Variants in CACNA1S observed in about 807,000 individuals in gnomAD.
CACNA1S encodes the protein voltage-dependent L-type calcium channel subunit alpha-1S.
A neutral mutation model predicts 207.4 loss-of-function variants in CACNA1S; 126 were observed. The observed-to-expected ratio is 0.61, with a 90% CI of 0.53 to 0.70. The LOEUF is 0.70. Ranked by LOEUF, CACNA1S falls within the 30% of genes least tolerant of loss-of-function variation. The pLI is 0.00. For missense variants in CACNA1S, 2,349 were observed against 2,422.8 expected (o/e 0.97, Z 0.64); for synonymous variants, 960 against 932.7 (o/e 1.03, Z -0.53).
chr1:201,111,250 G>T (rs1298067407), intron 1 of CACNA1S, among the ~76,000 whole-genome samples: 3 of 152,088 alleles, frequency 2.0e-5, no homozygotes, highest in African/African-American at 7.2e-5. Flanking sequence ...CGTTTCTCTT[G>T]TCCTTCCAGT....
chr1:201,061,182 C>T, intron 25 of CACNA1S, 85 bp downstream of exon 25: 1 of 1,262,422 alleles, frequency 7.9e-7, no homozygotes, highest in African/African-American at 1.5e-5. Flanking sequence ...CCTTAGGCCT[C>T]TCTTCCCTGG....
intron 10 of CACNA1S, 134 bp downstream of exon 10, chr1:201,083,028 T>A (rs749117904): frequency 4.4e-5 from 41 of 931,320 alleles, no homozygotes; most frequent in Non-Finnish European, 6.9e-5. Flanking sequence ...GCACTCATGG[T>A]CCATAATTTT....
chr1:201,065,096 GGAGA>G (rs1440528504), intron 22 of CACNA1S, among the ~76,000 whole-genome samples: 1 of 152,228 alleles, frequency 6.6e-6, no homozygotes, highest in Non-Finnish European at 1.5e-5. Context: ...CGTGGGGTAG[GGAGA>G]GAGCAGATAC....
At chr1:201,096,884 A>G (rs999939169) in intron 2 of CACNA1S, among the ~76,000 whole-genome samples, 2 of 152,044 alleles carry the variant, frequency 1.3e-5, no homozygotes, top group African/African-American at 4.8e-5. Flanking sequence ...GTTTTCACAG[A>G]GCTGTTGTTT....
At chr1:201,083,882 G>A (rs1661931993) in intron 9 of CACNA1S, among the ~76,000 whole-genome samples, 1 of 152,124 alleles carries the variant, frequency 6.6e-6, no homozygotes, top group Non-Finnish European at 1.5e-5. Context: ...GACTTCCGAG[G>A]AGCTGGGAGT....
At position 201,107,889 on chromosome 1, in the gene CACNA1S, G is replaced by A. The variant is rs931090010; in HGVS notation, c.258+2275C>T. ...GAGCATTCATTTCCCATAGAGCTCTGACATGCCAGGTGGCATTTGCTGCTT... is the reference window on the plus strand; with the variant it reads ...GAGCATTCATTTCCCATAGAGCTCTAACATGCCAGGTGGCATTTGCTGCTT... On this transcript the variant is annotated intron_variant, in intron 2 of 43. Coordinates refer to ENST00000362061, the MANE Select transcript of CACNA1S (RefSeq NM_000069.3). Among the ~76,000 whole-genome samples, 3 of 152,178 alleles carry A rather than the reference G, an allele frequency of 2.0e-5. No individual in the cohort carries two copies. In the South Asian group the frequency reaches 6.2e-4, roughly 31 times the overall value.
In CACNA1S at chr1:201,053,734, A is replaced by G; in HGVS notation, c.3667-147T>C. On this transcript the variant is annotated intron_variant, in intron 29 of 43. Transcript: ENST00000362061. The surrounding 1 kb of genome is among the most constrained non-coding windows in gnomAD (Gnocchi z 5.1). ...GCCCCGCCTCTGGCCCCTGCTGTCC[A>G]CTAGTTCGGGACCATCCTTGGGCAC... The G allele has an allele frequency of 2.4e-6, 2 of 831,254 alleles. No individual in the cohort carries two copies. The highest frequency in any genetic ancestry group is 3.8e-6 in the Non-Finnish European group (2 of 520,124). The allele number at this position is 831,254 out of a possible 1,614,324, so 51.5% of individuals were successfully genotyped here.
Position 201,053,656 on chromosome 1 carries a change from A to C in CACNA1S, c.3667-69T>G. On this transcript the variant is annotated intron_variant, in intron 29 of 43. Coordinates refer to ENST00000362061, the MANE Select transcript of CACNA1S (RefSeq NM_000069.3). The surrounding 1 kb of genome is among the most constrained non-coding windows in gnomAD (Gnocchi z 5.1). ...CAGAGGGGTAAGGGGCAGGGCGGGG[A>C]GGGAGGTGCACTGTGTGTTTTGGGG... The C allele has an allele frequency of 8.7e-7, 1 of 1,145,896 alleles. No individual in the cohort carries two copies. The highest frequency in any genetic ancestry group is 1.3e-6 in the Non-Finnish European group (1 of 769,080). The allele number at this position is 1,145,896 out of a possible 1,614,324, so 71.0% of individuals were successfully genotyped here.
rs534884870 is a variant in CACNA1S at position 201,093,026 on chromosome 1, C to T, written c.398+856G>A. ...AAAATGAGGGAAAACAGGATTGTGG[C>T]AAGAATTAAGTGAGAGGGTACATGT... On this transcript the variant is annotated intron_variant, in intron 3 of 43. Coordinates refer to ENST00000362061, the MANE Select transcript of CACNA1S (RefSeq NM_000069.3). 3.3e-5 allele frequency among the ~76,000 whole-genome samples: 5 copies of T among 152,280 alleles called. No homozygotes were observed. The South Asian group carries it at 1.0e-3, about 32-fold the overall frequency.
chr1:201,072,715 C>G (rs543629732), intron 16 of CACNA1S, 40 bp downstream of exon 16: 3 of 1,538,526 alleles, frequency 1.9e-6, no homozygotes, highest in Non-Finnish European at 2.7e-6. Context: ...CCCTACTTCA[C>G]CCCAGCACCC....
In CACNA1S at chr1:201,058,366, T is replaced by C. The variant is rs370092132; in HGVS notation, c.3609+42A>G. ...ATATCTGTGGATTGAACACATGCTC[T>C]TGGGCCCACCCTAGTGATGGCTCTG... On this transcript the variant is annotated intron_variant, in intron 28 of 43. Transcript: ENST00000362061. The C allele has an allele frequency of 5.9e-6, 9 of 1,538,350 alleles. No homozygotes were observed. In the African/African-American group the frequency reaches 8.2e-5, roughly 14 times the overall value.
intron 2 of CACNA1S, among the ~76,000 whole-genome samples, chr1:201,101,294 C>G (rs61818024): frequency 6.6e-6 from 1 of 152,098 alleles, no homozygotes; most frequent in Non-Finnish European, 1.5e-5. Context: ...GGTTCCATCC[C>G]GGAGGGTGTC....
intron 35 of CACNA1S, 67 bp downstream of exon 35, chr1:201,048,936 C>A: frequency 7.9e-7 from 1 of 1,272,424 alleles, no homozygotes. Flanking sequence ...AGGTCCTCAC[C>A]AGTTTCCCTC....
At chr1:201,079,906 A>C (rs1371738229) in intron 10 of CACNA1S, among the ~76,000 whole-genome samples, 4 of 152,184 alleles carry the variant, frequency 2.6e-5, no homozygotes, top group Non-Finnish European at 5.9e-5. Context: ...CCTGGCATTT[A>C]GTGCTTCTTT....
intron 2 of CACNA1S, among the ~76,000 whole-genome samples, chr1:201,102,335 C>A (rs1186601196): frequency 6.6e-6 from 1 of 152,176 alleles, no homozygotes; most frequent in Non-Finnish European, 1.5e-5. Flanking sequence ...TTCCCACATA[C>A]AACCACTGGG....
intron 2 of CACNA1S, among the ~76,000 whole-genome samples, chr1:201,105,037 ATG>A (rs1181565531): frequency 6.6e-6 from 1 of 152,240 alleles, no homozygotes; most frequent in African/African-American, 2.4e-5. Flanking sequence ...TAAATATTGA[ATG>A]TCATTGTTGC....
intron 42 of CACNA1S, 76 bp downstream of exon 42, chr1:201,040,546 C>T: frequency 6.8e-7 from 1 of 1,476,380 alleles, no homozygotes; most frequent in Non-Finnish European, 9.4e-7. Context: ...CCTTCCCCTG[C>T]CATGATCCCA....
At chr1:201,091,375 A>G (rs1217515193) in intron 5 of CACNA1S, among the ~76,000 whole-genome samples, 2 of 149,500 alleles carry the variant, frequency 1.3e-5, no homozygotes, top group Non-Finnish European at 3.0e-5. Flanking sequence ...AGAGCCTGGA[A>G]CATACCACAT....
intron 2 of CACNA1S, among the ~76,000 whole-genome samples, chr1:201,094,598 T>G (rs1252517561): frequency 1.3e-5 from 2 of 152,152 alleles, no homozygotes; most frequent in Non-Finnish European, 2.9e-5. Flanking sequence ...GGGGGTGGAT[T>G]ACTCAGAACT....
Sources: gnomAD v4.1 joint callset for allele counts (sites outside exome capture counted in the v4.1 genomes callset) on GRCh38, gnomAD v4.1.1 for gene constraint, Gnocchi (gnomAD v3.1) non-coding constraint, MANE v1.5 for transcripts, NCBI Gene and HGNC (gene_info 2026-07-23, HGNC 2026-07-21) for gene names.